Variants in ALCAM observed in about 807,000 individuals in gnomAD.
The protein encoded by ALCAM is activated leukocyte cell adhesion molecule, also known as CD166 antigen.
In ALCAM, 30 loss-of-function variants were observed where a neutral mutation model predicts 70.9. The observed-to-expected ratio is 0.42, with a 90% CI of 0.32 to 0.57. The LOEUF (loss-of-function observed/expected upper bound fraction) is 0.57, where lower values mean the gene tolerates loss of function less well. ALCAM is among the 20% of genes least tolerant of loss of function. The probability of loss-of-function intolerance (pLI) is 0.11; values close to 1 mark genes in which losing one functional copy is unlikely to be tolerated. For synonymous variants in ALCAM, 249 were observed against 242.5 expected (o/e 1.03, Z -0.25); for missense variants, 591 against 695.1 (o/e 0.85, Z 1.68).
chr3:105,415,439 G>A (rs1335278565), intron 1 of ALCAM, among the ~76,000 whole-genome samples: 1 of 152,090 alleles, frequency 6.6e-6, no homozygotes, highest in African/African-American at 2.4e-5. Flanking sequence ...CCCAGCATTA[G>A]CTTTTGCATA....
intron 1 of ALCAM, among the ~76,000 whole-genome samples, chr3:105,380,369 T>G (rs1935489445): frequency 6.6e-6 from 1 of 152,024 alleles, no homozygotes; most frequent in East Asian, 1.9e-4. Flanking sequence ...GTTTCAATTT[T>G]ATAAGACATC....
intron 1 of ALCAM, among the ~76,000 whole-genome samples, chr3:105,509,737 AC>A (rs1939184213): frequency 6.6e-6 from 1 of 151,920 alleles, no homozygotes; most frequent in African/African-American, 2.4e-5. Flanking sequence ...ATATAGTCTT[AC>A]CTGCGTATTT....
chr3:105,546,173 C>A (rs891530788), intron 9 of ALCAM, among the ~76,000 whole-genome samples: 2 of 151,080 alleles, frequency 1.3e-5, no homozygotes, highest in African/African-American at 4.8e-5. Context: ...CATTTGTTAC[C>A]AGAGCATGAC....
intron 1 of ALCAM, among the ~76,000 whole-genome samples, chr3:105,444,984 T>C (rs13065937): frequency 0.26 from 39,751 of 152,100 alleles, 5,684 homozygotes; most frequent in Admixed American, 0.45. Context: ...GTTTATCTGA[T>C]GTATGATATA....
chr3:105,536,245 C>T (rs1239631562), intron 6 of ALCAM, among the ~76,000 whole-genome samples: 2 of 151,980 alleles, frequency 1.3e-5, no homozygotes, highest in Non-Finnish European at 2.9e-5. Context: ...AAGCGCATGC[C>T]ACCACACCCT....
Position 105,540,109 on chromosome 3 carries a change from G to A in ALCAM, c.858+7G>A, listed in dbSNP as rs1576230484. On this transcript the variant is annotated splice_region_variant and intron_variant, in intron 7 of 15. Transcript: ENST00000306107. Reference sequence around the variant, plus strand: ...ATTTTTGTTTTACTTACCAGTAAGTGCTTAAGTATTACTTCAGTTGGATGA... The same window carrying A: ...ATTTTTGTTTTACTTACCAGTAAGTACTTAAGTATTACTTCAGTTGGATGA... 1 of 1,609,554 alleles carries A rather than the reference G, an allele frequency of 6.2e-7. No individual in the cohort carries two copies. The highest frequency in any genetic ancestry group is 8.5e-7 in the Non-Finnish European group (1 of 1,176,844).
chr3:105,371,517 C>CTTTTTTTTTTT (rs35522913), intron 1 of ALCAM, among the ~76,000 whole-genome samples: 1 of 142,572 alleles, frequency 7.0e-6, no homozygotes, highest in Admixed American at 7.3e-5. Flanking sequence ...AAAGATGTTT[C>CTTTTTTTTTTT]TTTTTTTTTT....
intron 14 of ALCAM, among the ~76,000 whole-genome samples, chr3:105,564,911 T>C (rs1376570670): frequency 6.6e-6 from 1 of 152,154 alleles, no homozygotes; most frequent in Non-Finnish European, 1.5e-5. Flanking sequence ...CCAGGCATAG[T>C]GCCACACGCT....
At chr3:105,489,770 T>C (rs1430849208) in intron 1 of ALCAM, among the ~76,000 whole-genome samples, 1 of 152,234 alleles carries the variant, frequency 6.6e-6, no homozygotes, top group Non-Finnish European at 1.5e-5. Context: ...TTAGGCATAA[T>C]TCAATATATT....
At chr3:105,455,529 G>A (rs1010708009) in intron 1 of ALCAM, among the ~76,000 whole-genome samples, 16 of 151,768 alleles carry the variant, frequency 1.1e-4, no homozygotes, top group Non-Finnish European at 2.9e-5. Context: ...TGGTACACAC[G>A]AATAACAAAC....
Position 105,575,105 on chromosome 3 carries a change from A to G in ALCAM, c.*654A>G, listed in dbSNP as rs1440024267. 6.6e-6 allele frequency: 1 copy of G among 152,660 alleles called. No individual in the cohort carries two copies. The highest frequency in any genetic ancestry group is 1.5e-5 in the Non-Finnish European group (1 of 68,042). 9.5% of individuals were successfully genotyped at this position (152,660 alleles called of 1,614,324 possible). Reference sequence around the variant, plus strand: ...TCAGAAATAAATCACAGATGCATATAGACACACATACATAATGGTACTCCC... The same window carrying G: ...TCAGAAATAAATCACAGATGCATATGGACACACATACATAATGGTACTCCC... On this transcript the variant is annotated 3_prime_UTR_variant, in exon 16 of 16. Transcript: ENST00000306107.
At chr3:105,384,479 A>T (rs1935600224) in intron 1 of ALCAM, among the ~76,000 whole-genome samples, 1 of 151,318 alleles carries the variant, frequency 6.6e-6, no homozygotes, top group South Asian at 2.1e-4. Flanking sequence ...CAGAATTTTA[A>T]CTTCTATATC....
intron 1 of ALCAM, among the ~76,000 whole-genome samples, chr3:105,456,299 C>T (rs757001521): frequency 3.3e-5 from 5 of 152,192 alleles, no homozygotes; most frequent in Non-Finnish European, 7.3e-5. Flanking sequence ...GAATTCTCTG[C>T]TGGACAAAGC....
chr3:105,463,730 GTGTTATAAAATTTAAC>G (rs761377915), intron 1 of ALCAM, among the ~76,000 whole-genome samples: 50 of 151,382 alleles, frequency 3.3e-4, no homozygotes, highest in Non-Finnish European at 5.8e-4. Flanking sequence ...CCCAGTGAAT[GTGTTATAAAATTTAAC>G]TGTAGGGTAG....
chr3:105,573,944 T>C (rs1329545789), intron 15 of ALCAM, among the ~76,000 whole-genome samples: 2 of 152,208 alleles, frequency 1.3e-5, no homozygotes, highest in Admixed American at 1.3e-4. Flanking sequence ...GCCAGGATTT[T>C]AAACTGATGG....
chr3:105,561,349 C>G (rs1576242688), intron 14 of ALCAM, among the ~76,000 whole-genome samples: 2 of 152,238 alleles, frequency 1.3e-5, no homozygotes, highest in South Asian at 4.1e-4. Flanking sequence ...TTCCCTTCTA[C>G]TCTATATGCC....
At chr3:105,464,954 C>T (rs1055232488) in intron 1 of ALCAM, among the ~76,000 whole-genome samples, 3 of 151,498 alleles carry the variant, frequency 2.0e-5, no homozygotes, top group South Asian at 2.1e-4. Context: ...CCCCTGTACC[C>T]AGCGCATAGA....
intron 1 of ALCAM, among the ~76,000 whole-genome samples, chr3:105,436,454 A>G (rs1937051351): frequency 6.6e-6 from 1 of 152,022 alleles, no homozygotes; most frequent in African/African-American, 2.4e-5. Context: ...CAGCCTCCCG[A>G]GTAGCTGGGA....
At chr3:105,412,681 C>T (rs1936419327) in intron 1 of ALCAM, among the ~76,000 whole-genome samples, 1 of 152,022 alleles carries the variant, frequency 6.6e-6, no homozygotes. Flanking sequence ...CATTGAGCCC[C>T]AGAAGTCAAC....
Sources: allele counts gnomAD v4.1 joint callset (sites outside exome capture counted in the v4.1 genomes callset), GRCh38; gene constraint gnomAD v4.1.1; transcripts MANE v1.5; gene names NCBI Gene and HGNC (gene_info 2026-07-23, HGNC 2026-07-21).